GRID2IP: variants seen among roughly 807,000 people sequenced by gnomAD.
GRID2IP encodes Grid2 interacting protein.
In GRID2IP, 78 loss-of-function variants were observed where a neutral mutation model predicts 114.3. The observed-to-expected ratio is 0.68, with a 90% confidence interval of 0.57 to 0.82. GRID2IP has a LOEUF of 0.82. Among genes scored for constraint, GRID2IP ranks in the 40% least tolerant of loss-of-function variants. The probability of loss-of-function intolerance (pLI) is 0.00; values close to 1 mark genes in which losing one functional copy is unlikely to be tolerated. For missense variants in GRID2IP, 1,727 were observed against 1,678.5 expected, an observed-to-expected ratio of 1.03 and a Z score of -0.51; for synonymous variants, 809 against 724.0, an observed-to-expected ratio of 1.12 and a Z score of -1.89.
chr7:6,508,313 G>C lies in GRID2IP; in HGVS notation c.2216C>G (p.Ser739Cys). 6.4e-7 allele frequency: 1 copy of C among 1,550,766 alleles called. No individual in the cohort carries two copies. Among genetic ancestry groups the C allele is most frequent in the Non-Finnish European group, 8.7e-7 (1 of 1,146,928 alleles). Residue 739 changes from serine (S) to cysteine (C), a missense_variant, in exon 13 of 22, where the codon TCC (serine) becomes TGC (cysteine). Ser to Cys is a moderately radical substitution (Grantham distance 112). Coordinates refer to ENST00000457091, the MANE Select transcript of GRID2IP (RefSeq NM_001145118.2). This position sits in a 1 kb window ranked among gnomAD's most constrained non-coding sequence, Gnocchi z 5.6. ...GTCAGAGATGGAGGAGTAGGTCAGG[G>C]AGCTGCCTTCTTCACTGCTGCTGAT... is the stretch of plus-strand genomic sequence containing the variant. ...DCISSSEEGS[S>C]LTYSSISDHI... is the part of the protein sequence containing the mutation.
chr7:6,502,770 C>A lies in GRID2IP; in HGVS notation c.3150+16G>T. 1.3e-6 allele frequency: 2 copies of A among 1,542,180 alleles called. No homozygotes were observed. Among genetic ancestry groups the A allele is most frequent in the South Asian group, 1.2e-5 (1 of 83,866 alleles). ...GTAGAGCAAACCAGTCGATTGCTGC[C>A]GGCAGGTCCCCTCACCTCTGTCAGA... On this transcript the variant is annotated intron_variant, in intron 18 of 21. Coordinates refer to ENST00000457091, the MANE Select transcript of GRID2IP (RefSeq NM_001145118.2).
intron 2 of GRID2IP, among the ~76,000 whole-genome samples, chr7:6,530,314 A>G (rs990577569): frequency 2.7e-5 from 4 of 148,890 alleles, no homozygotes; most frequent in African/African-American, 1.0e-4. Flanking sequence ...CCCAGGATGG[A>G]GTGCAGGGGT....
intron 2 of GRID2IP, chr7:6,531,206 G>A: frequency 2.2e-6 from 1 of 449,080 alleles, no homozygotes; most frequent in Non-Finnish European, 3.9e-6. Context: ...TGCCCTGCGA[G>A]CGCGCGCGGC....
At position 6,509,232 on chromosome 7, in the gene GRID2IP, C is replaced by G; in HGVS notation, c.1853G>C (p.Gly618Ala). The change falls in exon 12 of 22, where the codon GGT (glycine) becomes GCT (alanine). Residue 618 changes from glycine (G) to alanine (A), a missense_variant. Gly to Ala is a moderately conservative substitution (Grantham distance 60, BLOSUM62 0). Transcript: ENST00000457091. This position sits in a 1 kb window ranked among gnomAD's most constrained non-coding sequence, Gnocchi z 4.9. ...SPCYHPLCSG[G>A]LASPSSSESH... ...CTCAGAGCTGCTGGGGGAGGCCAGA[C>G]CCCCCGAACACAGCGGGTGGTAGCA... 2 of 1,510,478 alleles carry G rather than the reference C, an allele frequency of 1.3e-6. No homozygotes were observed. The highest frequency in any genetic ancestry group is 8.9e-7 in the Non-Finnish European group (1 of 1,127,568). 93.6% of individuals were successfully genotyped at this position (1,510,478 alleles called of 1,614,324 possible).
In GRID2IP at chr7:6,551,031, T is replaced by A; in HGVS notation, c.406A>T (p.Lys136Ter). The A allele has an allele frequency of 7.9e-7, 1 of 1,270,686 alleles. No homozygotes were observed. The highest frequency in any genetic ancestry group is 9.9e-7 in the Non-Finnish European group (1 of 1,010,626). The allele number at this position is 1,270,686 out of a possible 1,614,324, so 78.7% of individuals were successfully genotyped here. The change falls in exon 1 of 22, where the codon AAG (lysine) becomes TAG (stop). Residue 136 changes from lysine (K) to a stop codon, truncating the protein, a stop_gained. Transcript: ENST00000457091. LOFTEE classifies it high-confidence loss of function. ...PDAVHRERRRKAQEFSRKVDE... is the reference protein window; with the variant it reads ...PDAVHRERRR Reference sequence around the variant, plus strand: ...ACCTTGCGGCTGAACTCTTGGGCCTTGCGCCTGCGCTCTCGGTGCACCGCG... The same window carrying A: ...ACCTTGCGGCTGAACTCTTGGGCCTAGCGCCTGCGCTCTCGGTGCACCGCG...
In GRID2IP at chr7:6,535,144, CAA is replaced by C. The variant is rs1185525011; in HGVS notation, c.584+4572_584+4573del. ...AGGTGATCCACCCGCCTCGGCCTCC[CAA>C]AGTGCTGGGATTACAGGTGTGAGCC... On this transcript the variant is annotated intron_variant, in intron 2 of 21. Coordinates refer to ENST00000457091, the MANE Select transcript of GRID2IP (RefSeq NM_001145118.2). Among the ~76,000 whole-genome samples the C allele has an allele frequency of 2.7e-5, 4 of 146,824 alleles. No homozygotes were observed. In the South Asian group the frequency reaches 6.5e-4, roughly 24 times the overall value.
intron 20 of GRID2IP, 65 bp from the exon 21 acceptor site, chr7:6,498,293 C>A (rs558364620): frequency 1.4e-6 from 2 of 1,434,434 alleles, no homozygotes; most frequent in East Asian, 2.5e-5. Flanking sequence ...GGTGGTGGCC[C>A]GACAGACAGG....
At position 6,523,843 on chromosome 7, in the gene GRID2IP, G is replaced by A. The variant is rs979015858; in HGVS notation, c.920-1886C>T. 6.6e-6 allele frequency among the ~76,000 whole-genome samples: 1 copy of A among 152,128 alleles called. No individual in the cohort carries two copies. The highest frequency in any genetic ancestry group is 6.6e-5 in the Admixed American group (1 of 15,250). On this transcript the variant is annotated intron_variant, in intron 4 of 21. Coordinates refer to ENST00000457091, the MANE Select transcript of GRID2IP (RefSeq NM_001145118.2). This position sits in a 1 kb window ranked among gnomAD's most constrained non-coding sequence, Gnocchi z 4.5. ...CCAGCCACACCTGGATTCTAACAAG[G>A]CCCTAGGCCAGGTATCTCTGGCTAC...
chr7:6,538,986 T>C (rs1170850150), intron 2 of GRID2IP, among the ~76,000 whole-genome samples: 1 of 151,984 alleles, frequency 6.6e-6, no homozygotes, highest in Non-Finnish European at 1.5e-5. Flanking sequence ...GTCGAGGGGG[T>C]ACTGGAGCCC....
chr7:6,550,440 A>G (rs1779956499), intron 1 of GRID2IP, among the ~76,000 whole-genome samples: 1 of 152,014 alleles, frequency 6.6e-6, no homozygotes. Flanking sequence ...ATGTATATGG[A>G]AAATTTATTG....
Position 6,503,696 on chromosome 7 carries a change from G to GGGGCGGGGCGGTGAGCT in GRID2IP, c.2711-26_2711-10dup, listed in dbSNP as rs1186191800. On this transcript the variant is annotated splice_polypyrimidine_tract_variant and intron_variant, in intron 15 of 21. Coordinates refer to ENST00000457091, the MANE Select transcript of GRID2IP (RefSeq NM_001145118.2). Reference sequence around the variant, plus strand: ...GTGTGCCAAGAGGATGGCTGCGGGCGGGGCGGGGCGGTGAGCTGGGCGGGG... The same window carrying GGGGCGGGGCGGTGAGCT: ...GTGTGCCAAGAGGATGGCTGCGGGCGGGGCGGGGCGGTGAGCTGGGCGGGGCGGTGAGCTGGGCGGGG... The GGGGCGGGGCGGTGAGCT allele has an allele frequency of 4.1e-6, 6 of 1,466,890 alleles. No individual in the cohort carries two copies. The African/African-American group carries it at 7.3e-5, about 18-fold the overall frequency. 90.9% of individuals were successfully genotyped at this position (1,466,890 alleles called of 1,614,324 possible).
chr7:6,503,227 G>C, intron 16 of GRID2IP, 64 bp from the exon 17 acceptor site: 1 of 1,241,404 alleles, frequency 8.1e-7, no homozygotes, highest in Non-Finnish European at 1.1e-6. Flanking sequence ...CCCACCGCAG[G>C]CTTTGGGGTG....
chr7:6,522,885 T>G (rs1461646570), intron 4 of GRID2IP, among the ~76,000 whole-genome samples: 1 of 151,916 alleles, frequency 6.6e-6, no homozygotes, highest in Non-Finnish European at 1.5e-5. Context: ...CAGGCTAGTC[T>G]CGAACTCCTG....
At chr7:6,510,853 T>G in intron 9 of GRID2IP, 55 bp downstream of exon 9, 1 of 1,525,180 alleles carries the variant, frequency 6.6e-7, no homozygotes. Flanking sequence ...CAAGCCCATT[T>G]TGCAGGTGGG....
chr7:6,523,150 G>C lies in GRID2IP; in HGVS notation c.920-1193C>G, dbSNP rs1583345544. On this transcript the variant is annotated intron_variant, in intron 4 of 21. Coordinates refer to ENST00000457091, the MANE Select transcript of GRID2IP (RefSeq NM_001145118.2). The surrounding 1 kb of genome is among the most constrained non-coding windows in gnomAD (Gnocchi z 4.5). ...CATCATTCTAAATGTAATTTGGAAA[G>C]TAGGGAAAATGATCAATGGCTAAAT... Among the ~76,000 whole-genome samples the C allele has an allele frequency of 6.6e-6, 1 of 152,140 alleles. No individual in the cohort carries two copies. Among genetic ancestry groups the C allele is most frequent in the East Asian group, 1.9e-4 (1 of 5,196 alleles).
chr7:6,540,555 C>G (rs1779799688), intron 1 of GRID2IP, among the ~76,000 whole-genome samples: 2 of 151,600 alleles, frequency 1.3e-5, no homozygotes, highest in South Asian at 4.2e-4. Context: ...GAGTCTCACT[C>G]TGCCACCCAG....
At chr7:6,504,466 G>C (rs1052013542) in intron 15 of GRID2IP, among the ~76,000 whole-genome samples, 3 of 151,648 alleles carry the variant, frequency 2.0e-5, no homozygotes, top group Non-Finnish European at 4.4e-5. Context: ...TGAGGACGGG[G>C]TTCTCGAGAC....
At chr7:6,547,693 T>C (rs1583356457) in intron 1 of GRID2IP, among the ~76,000 whole-genome samples, 1 of 152,248 alleles carries the variant, frequency 6.6e-6, no homozygotes, top group East Asian at 1.9e-4. Flanking sequence ...TATGCGAGTG[T>C]GTGTATCTGG....
chr7:6,497,759 G>A lies in GRID2IP; in HGVS notation c.*15C>T, dbSNP rs902171189. 3.2e-6 allele frequency: 5 copies of A among 1,543,808 alleles called. No individual in the cohort carries two copies. The highest frequency in any genetic ancestry group is 1.4e-5 in the African/African-American group (1 of 72,928). Reference sequence around the variant, plus strand: ...TCTCCCTGCTCAGGCCGCAGAGGACGCGGTGTGGCCACTGTCACCAGGCCA... The same window carrying A: ...TCTCCCTGCTCAGGCCGCAGAGGACACGGTGTGGCCACTGTCACCAGGCCA... On this transcript the variant is annotated 3_prime_UTR_variant, in exon 22 of 22. Coordinates refer to ENST00000457091, the MANE Select transcript of GRID2IP (RefSeq NM_001145118.2).
Sources: allele counts gnomAD v4.1 joint callset (sites outside exome capture counted in the v4.1 genomes callset), GRCh38; gene constraint gnomAD v4.1.1; non-coding constraint Gnocchi (gnomAD v3.1); transcripts MANE v1.5; gene names NCBI Gene and HGNC (gene_info 2026-07-23, HGNC 2026-07-21).